The following TRMT44 variants were observed in gnomAD, a reference collection of about 807,000 sequenced individuals.
TRMT44 encodes tRNA methyltransferase 44 homolog.
Under a neutral mutation model 77.3 loss-of-function variants are expected in TRMT44, and 78 were observed. The observed-to-expected ratio is 1.01, with a 90% confidence interval of 0.84 to 1.22. The LOEUF is 1.22. Among genes scored for constraint, TRMT44 ranks in the 50% most tolerant of loss-of-function variants. TRMT44 has a pLI of 0.00. For missense variants in TRMT44, 1,090 were observed against 964.4 expected (o/e 1.13, Z -1.73); for synonymous variants, 391 against 383.3 (o/e 1.02, Z -0.23).
intron 1 of TRMT44, among the ~76,000 whole-genome samples, chr4:8,443,137 CCTCT>C (rs1724856192): frequency 6.6e-6 from 1 of 152,110 alleles, no homozygotes; most frequent in Non-Finnish European, 1.5e-5. Context: ...CTCTAGGTGT[CCTCT>C]CCTCCAGGGG....
At chr4:8,459,477 G>T (rs542392223) in intron 6 of TRMT44, among the ~76,000 whole-genome samples, 5 of 152,156 alleles carry the variant, frequency 3.3e-5, no homozygotes, top group African/African-American at 7.2e-5. Flanking sequence ...TACGGCAAGC[G>T]GTGAAGGCAG....
rs887352225 is a variant in TRMT44, at chr4:8,450,754, T to G, written c.954+866T>G. Among the ~76,000 whole-genome samples the G allele has an allele frequency of 7.5e-5, 11 of 147,306 alleles. No homozygotes were observed. In the Admixed American group the frequency reaches 7.5e-4, roughly 10 times the overall value. On this transcript the variant is annotated intron_variant, in intron 3 of 10. Transcript: ENST00000389737. ...CTATTCTTCCTAGTTCCCATCTTCCTCCCCGTCCTAGGAGTAACCACAATT... is the reference window on the plus strand; with the variant it reads ...CTATTCTTCCTAGTTCCCATCTTCCGCCCCGTCCTAGGAGTAACCACAATT...
intron 9 of TRMT44, among the ~76,000 whole-genome samples, chr4:8,469,488 T>C (rs1373240907): frequency 2.0e-5 from 3 of 152,146 alleles, no homozygotes; most frequent in African/African-American, 7.2e-5. Flanking sequence ...CAGTAAACAG[T>C]GACAGTTCTT....
Position 8,488,269 on chromosome 4 carries a change from C to T in TRMT44, n.3892-4997C>T, listed in dbSNP as rs188620316. Among the ~76,000 whole-genome samples, 30 of 152,262 alleles carry T rather than the reference C, an allele frequency of 2.0e-4. No homozygotes were observed. In the East Asian group the frequency reaches 4.3e-3, roughly 22 times the overall value. ...GAGTCATGGCACCAAATTTCATGAG[C>T]GTCCGTGTGAAGAGACCACCAAACA... On this transcript the variant is annotated intron_variant and non_coding_transcript_variant, in intron 2 of 2. Transcript: ENST00000511366.
the TRMT44 span, among the ~76,000 whole-genome samples, chr4:8,514,251 CTTT>C: frequency 7.9e-5 from 9 of 114,232 alleles, no homozygotes; most frequent in Non-Finnish European, 7.1e-5. Context: ...GGGCTCTGAT[CTTT>C]TTTTTTTTTT....
chr4:8,446,379 A>G lies in TRMT44; in HGVS notation c.620-97A>G. On this transcript the variant is annotated intron_variant, in intron 1 of 10. Coordinates refer to ENST00000389737, the MANE Select transcript of TRMT44 (RefSeq NM_152544.3). This position sits in a 1 kb window ranked among gnomAD's most constrained non-coding sequence, Gnocchi z 4.3. ...TGTGAATAGAGTGCTGGGGGATTGA[A>G]AGCATCGTGCTTGACTCATCCCTAT... is the stretch of plus-strand genomic sequence containing the variant. 1 of 754,710 alleles carries G rather than the reference A, an allele frequency of 1.3e-6. No individual in the cohort carries two copies. The highest frequency in any genetic ancestry group is 2.7e-5 in the East Asian group (1 of 37,082). The allele number at this position is 754,710 out of a possible 1,614,324, so 46.8% of individuals were successfully genotyped here.
At chr4:8,479,006 G>A (rs1727525192), downstream of TRMT44, 1 of 152,304 alleles carries the variant, frequency 6.6e-6, no homozygotes, top group South Asian at 2.1e-4. Flanking sequence ...GCATGGCCAA[G>A]CCCTGGGGTC....
chr4:8,490,071 A>C (rs1214358440), intron 2 of TRMT44, among the ~76,000 whole-genome samples: 4 of 152,092 alleles, frequency 2.6e-5, no homozygotes, highest in East Asian at 1.9e-4. Context: ...TGTGGCCCCC[A>C]CAGAGGCAAT....
Position 8,465,520 on chromosome 4 carries a change from CACGTGGACGAAG to C in TRMT44, c.1456_1467del (p.Val486_Asp489del). On this transcript the variant is annotated inframe_deletion, in exon 8 of 11. Transcript: ENST00000389737. ...AGAAGTGGGCTTCACCTGTGGGTTT[CACGTGGACGAAG>C]ACTGCCTCAGGATTCCTTCAACCAA... The C allele has an allele frequency of 6.2e-7, 1 of 1,613,942 alleles. No individual in the cohort carries two copies. The highest frequency in any genetic ancestry group is 8.5e-7 in the Non-Finnish European group (1 of 1,179,936).
In TRMT44 at chr4:8,468,361, A is replaced by G; in HGVS notation, c.1927+15A>G. ...GAATGGGGGAGGTAAGCTGTCCACC[A>G]TCTTAGGGAGGGGCTAGCACGCTCC... On this transcript the variant is annotated intron_variant, in intron 9 of 10. Coordinates refer to ENST00000389737, the MANE Select transcript of TRMT44 (RefSeq NM_152544.3). 4 of 1,613,406 alleles carry G rather than the reference A, an allele frequency of 2.5e-6. No homozygotes were observed. The highest frequency in any genetic ancestry group is 3.4e-6 in the Non-Finnish European group (4 of 1,179,610).
Position 8,461,541 on chromosome 4 carries a change from C to T in TRMT44, c.1204-2444C>T, listed in dbSNP as rs144997492. 7.2e-4 allele frequency among the ~76,000 whole-genome samples: 109 copies of T among 152,194 alleles called. No individual in the cohort carries two copies. The highest frequency in any genetic ancestry group is 2.2e-3 in the African/African-American group (91 of 41,528). ...CTGAGGGTGCCCCTTGGAGAACGGG[C>T]GGAGGCTCTAGTTCTTTAGCTGAGG... On this transcript the variant is annotated intron_variant, in intron 6 of 10. Transcript: ENST00000389737. The surrounding 1 kb of genome is among the most constrained non-coding windows in gnomAD (Gnocchi z 4.6).
Position 8,446,360 on chromosome 4 carries a change from T to C in TRMT44, c.620-116T>C, listed in dbSNP as rs369426632. ...TCCTCTCCTGGAGTGCCATTGTGAATAGAGTGCTGGGGGATTGAAAGCATC... is the reference window on the plus strand; with the variant it reads ...TCCTCTCCTGGAGTGCCATTGTGAACAGAGTGCTGGGGGATTGAAAGCATC... On this transcript the variant is annotated intron_variant, in intron 1 of 10. Transcript: ENST00000389737. This position sits in a 1 kb window ranked among gnomAD's most constrained non-coding sequence, Gnocchi z 4.3. The C allele has an allele frequency of 3.5e-5, 23 of 663,152 alleles. No homozygotes were observed. Among genetic ancestry groups the C allele is most frequent in the South Asian group, 1.3e-4 (7 of 53,330 alleles). The allele number at this position is 663,152 out of a possible 1,614,324, so 41.1% of individuals were successfully genotyped here.
chr4:8,516,609 A>G, the TRMT44 span, among the ~76,000 whole-genome samples: 1 of 151,942 alleles, frequency 6.6e-6, no homozygotes, highest in Non-Finnish European at 1.5e-5. Flanking sequence ...GTGAGACTCC[A>G]TTTCTACCAA....
chr4:8,466,945 C>G (rs901387044), intron 8 of TRMT44, among the ~76,000 whole-genome samples: 1 of 152,172 alleles, frequency 6.6e-6, no homozygotes, highest in African/African-American at 2.4e-5. Flanking sequence ...GTGGCTGTCA[C>G]GTAGTGAGGA....
chr4:8,481,557 C>T (rs1310367680), intron 2 of TRMT44, among the ~76,000 whole-genome samples: 2 of 152,240 alleles, frequency 1.3e-5, no homozygotes, highest in African/African-American at 4.8e-5. Flanking sequence ...TCCTGTCCCG[C>T]TGCTGCCTGC....
the TRMT44 span, among the ~76,000 whole-genome samples, chr4:8,514,286 G>A: frequency 6.8e-5 from 9 of 132,924 alleles, no homozygotes; most frequent in Admixed American, 5.1e-4. Context: ...ACAAAGTCTC[G>A]TTCTTTTGCT....
At position 8,446,848 on chromosome 4, in the gene TRMT44, A is replaced by T. The variant is rs150611008; in HGVS notation, c.734+258A>T. 6.6e-6 allele frequency among the ~76,000 whole-genome samples: 1 copy of T among 152,244 alleles called. No homozygotes were observed. The highest frequency in any genetic ancestry group is 1.5e-5 in the Non-Finnish European group (1 of 68,004). ...GTGGCTGTGATGATCAGCAGCCCTT[A>T]GCATTAGCTCTGAAGTCAAACTCAA... On this transcript the variant is annotated intron_variant, in intron 2 of 10. Transcript: ENST00000389737. The surrounding 1 kb of genome is among the most constrained non-coding windows in gnomAD (Gnocchi z 4.3).
At chr4:8,515,733 C>A in the TRMT44 span, among the ~76,000 whole-genome samples, 2 of 152,192 alleles carry the variant, frequency 1.3e-5, no homozygotes, top group Admixed American at 6.5e-5. Flanking sequence ...TATTGTTCCC[C>A]AGGCACTGAC....
At chr4:8,466,328 T>C (rs1214493581) in intron 8 of TRMT44, among the ~76,000 whole-genome samples, 2 of 149,162 alleles carry the variant, frequency 1.3e-5, no homozygotes, top group Non-Finnish European at 3.0e-5. Flanking sequence ...CTCGGGCTGA[T>C]CGCGGAGCTC....
Sources: gnomAD v4.1 joint callset for allele counts (sites outside exome capture counted in the v4.1 genomes callset) on GRCh38, gnomAD v4.1.1 for gene constraint, Gnocchi (gnomAD v3.1) non-coding constraint, MANE v1.5 for transcripts, NCBI Gene and HGNC (gene_info 2026-07-23, HGNC 2026-07-21) for gene names.